FRAS1: variants seen among roughly 807,000 people sequenced by gnomAD.
FRAS1 encodes extracellular matrix organizing protein FRAS1.
A neutral mutation model predicts 435.2 loss-of-function variants in FRAS1; 290 were observed. That is an observed-to-expected ratio of 0.67 (90% CI 0.61 to 0.73). The LOEUF is 0.73. Among genes scored for constraint, FRAS1 ranks in the 30% least tolerant of loss-of-function variants. The probability of loss-of-function intolerance (pLI) is 0.00; values close to 1 mark genes in which losing one functional copy is unlikely to be tolerated. For synonymous variants in FRAS1, 1,800 were observed against 1,851.0 expected (o/e 0.97, Z 0.71); for missense variants, 4,860 against 5,001.5 (o/e 0.97, Z 0.85).
intron 41 of FRAS1, chr4:78,444,216 A>G (rs1718697828): frequency 2.2e-6 from 1 of 451,488 alleles, no homozygotes; most frequent in Non-Finnish European, 4.4e-6. Flanking sequence ...AGAGTGATAA[A>G]TTTAAGAAAA....
At chr4:78,302,674 T>G (rs1298388727) in intron 14 of FRAS1, among the ~76,000 whole-genome samples, 1 of 152,102 alleles carries the variant, frequency 6.6e-6, no homozygotes, top group East Asian at 1.9e-4. Flanking sequence ...TGTCTGTTCA[T>G]GTCCTTCACC....
At chr4:78,282,144 C>G (rs1225147055) in intron 11 of FRAS1, among the ~76,000 whole-genome samples, 1 of 152,164 alleles carries the variant, frequency 6.6e-6, no homozygotes, top group Non-Finnish European at 1.5e-5. Flanking sequence ...CCCTCATCAC[C>G]CCAATACCTT....
chr4:78,060,875 C>T (rs1739732086), intron 1 of FRAS1, among the ~76,000 whole-genome samples: 1 of 151,932 alleles, frequency 6.6e-6, no homozygotes. Flanking sequence ...GAGGCACAGT[C>T]TTGCTCTATC....
At chr4:78,475,088 A>G (rs1009728763) in intron 53 of FRAS1, among the ~76,000 whole-genome samples, 3 of 152,160 alleles carry the variant, frequency 2.0e-5, no homozygotes, top group African/African-American at 4.8e-5. Context: ...CCACTGACCT[A>G]TTGTGATTAC....
At chr4:78,160,396 A>G (rs1721088226) in intron 2 of FRAS1, among the ~76,000 whole-genome samples, 1 of 152,338 alleles carries the variant, frequency 6.6e-6, no homozygotes, top group Middle Eastern at 3.4e-3. Context: ...TGCAGACTTC[A>G]TAGGAAAATC....
rs535638131 is a variant in FRAS1 at position 78,394,408 on chromosome 4, C to G, written c.3976-6326C>G. Among the ~76,000 whole-genome samples, 3 of 151,980 alleles carry G rather than the reference C, an allele frequency of 2.0e-5. No individual in the cohort carries two copies. In the East Asian group the frequency reaches 5.8e-4, roughly 29 times the overall value. On this transcript the variant is annotated intron_variant, in intron 29 of 73. Coordinates refer to ENST00000512123, the MANE Select transcript of FRAS1 (RefSeq NM_025074.7). ...TTTTGTGTATGATGTAATTTCATCCCTTTGCATGGGATATCTAATTATCCC... is the reference window on the plus strand; with the variant it reads ...TTTTGTGTATGATGTAATTTCATCCGTTTGCATGGGATATCTAATTATCCC...
intron 2 of FRAS1, among the ~76,000 whole-genome samples, chr4:78,137,750 C>T (rs574866475): frequency 9.9e-5 from 15 of 152,166 alleles, no homozygotes; most frequent in Non-Finnish European, 1.8e-4. Flanking sequence ...GTTAATAGTA[C>T]GTGCTTTGGA....
chr4:78,319,511 T>C, intron 18 of FRAS1: 1 of 433,296 alleles, frequency 2.3e-6, no homozygotes, highest in Non-Finnish European at 4.7e-6. Context: ...AGGGAAGTAT[T>C]ATAGTTTCCT....
At position 78,308,126 on chromosome 4, in the gene FRAS1, G is replaced by C. The variant is rs774543368; in HGVS notation, c.1595G>C (p.Arg532Thr). 8 of 1,613,950 alleles carry C rather than the reference G, an allele frequency of 5.0e-6. No homozygotes were observed. Among genetic ancestry groups the C allele is most frequent in the South Asian group, 1.1e-5 (1 of 91,048 alleles). The stretch of plus-strand genomic sequence containing the variant: ...ACGGAGAAGCACTGCTTGGCCTGCA[G>C]AGATCCCCTCCACGTGCTGAGAGAT... ...GPTEKHCLAC[R>T]DPLHVLRDGG... is the part of the protein sequence containing the mutation. Residue 532 changes from arginine to threonine, a missense_variant, in exon 15 of 74, where the codon AGA (arginine) becomes ACA (threonine). Arg to Thr is a moderately conservative substitution (Grantham distance 71). Transcript: ENST00000512123.
intron 56 of FRAS1, 110 bp from the exon 57 acceptor site, chr4:78,481,694 A>G: frequency 2.4e-6 from 3 of 1,234,344 alleles, no homozygotes; most frequent in Non-Finnish European, 2.4e-6. Context: ...AGAAAAGCTC[A>G]AAGGGCTAAA....
Position 78,155,404 on chromosome 4 carries a change from C to T in FRAS1, c.109-82106C>T, listed in dbSNP as rs1720843713. On this transcript the variant is annotated intron_variant, in intron 2 of 73. Coordinates refer to ENST00000512123, the MANE Select transcript of FRAS1 (RefSeq NM_025074.7). ...TAAACAGATGTAGTTTTGCTCCAGA[C>T]ACATTGCCAAAAATAATGTAAATAG... Among the ~76,000 whole-genome samples the T allele has an allele frequency of 2.6e-5, 4 of 152,208 alleles. No homozygotes were observed. The South Asian group carries it at 8.3e-4, about 32-fold the overall frequency.
At chr4:78,209,456 C>T (rs1373400193) in intron 2 of FRAS1, among the ~76,000 whole-genome samples, 1 of 152,112 alleles carries the variant, frequency 6.6e-6, no homozygotes, top group Non-Finnish European at 1.5e-5. Flanking sequence ...TGTTGGGTGG[C>T]TTCCTCTGTC....
At chr4:78,126,131 C>T (rs1719340514) in intron 2 of FRAS1, among the ~76,000 whole-genome samples, 1 of 152,194 alleles carries the variant, frequency 6.6e-6, no homozygotes, top group African/African-American at 2.4e-5. Context: ...GCCTGCCAAG[C>T]TCCAGCATCC....
chr4:78,516,347 G>T (rs985539507), intron 66 of FRAS1, among the ~76,000 whole-genome samples: 7 of 152,168 alleles, frequency 4.6e-5, no homozygotes, highest in Admixed American at 4.6e-4. Flanking sequence ...TGATGCTAGG[G>T]TTATTACTAC....
chr4:78,421,119 A>C (rs1261885685), intron 33 of FRAS1, among the ~76,000 whole-genome samples: 1 of 151,464 alleles, frequency 6.6e-6, no homozygotes, highest in Non-Finnish European at 1.5e-5. Flanking sequence ...TAGTCTTTTC[A>C]TGTTTTTACA....
At chr4:78,522,950 G>T in intron 69 of FRAS1, 142 bp downstream of exon 69, 1 of 814,918 alleles carries the variant, frequency 1.2e-6, no homozygotes, top group Non-Finnish European at 1.8e-6. Flanking sequence ...TCAGCTGGGA[G>T]TAGTGGTGCT....
At position 78,121,177 on chromosome 4, in the gene FRAS1, T is replaced by A. The variant is rs1578138010; in HGVS notation, c.108+55161T>A. 3.3e-5 allele frequency among the ~76,000 whole-genome samples: 5 copies of A among 152,314 alleles called. 1 individual carries two copies. Among genetic ancestry groups the A allele is most frequent in the Admixed American group, 3.3e-4 (5 of 15,304 alleles). On this transcript the variant is annotated intron_variant, in intron 2 of 73. Coordinates refer to ENST00000512123, the MANE Select transcript of FRAS1 (RefSeq NM_025074.7). Reference sequence around the variant, plus strand: ...GGTAAGCCTGATATGACCTTTCTCCTTGAAGCAATAAGCCGTGTATGTACA... The same window carrying A: ...GGTAAGCCTGATATGACCTTTCTCCATGAAGCAATAAGCCGTGTATGTACA...
At chr4:78,177,681 C>T (rs1336153612) in intron 2 of FRAS1, among the ~76,000 whole-genome samples, 2 of 152,308 alleles carry the variant, frequency 1.3e-5, no homozygotes, top group African/African-American at 4.8e-5. Flanking sequence ...GCACCTGTAA[C>T]TCCTGGTTCA....
rs749903455 is a variant in FRAS1, at chr4:78,315,606, C to T, written c.1691C>T (p.Ser564Phe). Residue 564 changes from serine (S) to phenylalanine (F), a missense_variant, in exon 16 of 74, where the codon TCC (serine) becomes TTC (phenylalanine). Coordinates refer to ENST00000512123, the MANE Select transcript of FRAS1 (RefSeq NM_025074.7). ...TGCCTCCCCTTAGCTTGTGACCAAT[C>T]CTGTGACAGTTGTGGCCCCAGTAGC... is the stretch of plus-strand genomic sequence containing the variant. ...RQGTCSACDQ[S>F]CDSCGPSSPR... The T allele has an allele frequency of 2.5e-6, 4 of 1,611,630 alleles. No homozygotes were observed. In the Admixed American group the frequency reaches 6.7e-5, roughly 27 times the overall value.
Sources: allele counts gnomAD v4.1 joint callset (sites outside exome capture counted in the v4.1 genomes callset), GRCh38; gene constraint gnomAD v4.1.1; transcripts MANE v1.5; gene names NCBI Gene and HGNC (gene_info 2026-07-23, HGNC 2026-07-21).